FGD1: variants seen among roughly 807,000 people sequenced by gnomAD.
FGD1 encodes the protein FYVE, RhoGEF and PH domain containing 1, also known as FYVE, RhoGEF and PH domain-containing protein 1.
In FGD1, 12 loss-of-function variants were observed where a neutral mutation model predicts 65.0. That is an observed-to-expected ratio of 0.18 (90% confidence interval 0.12 to 0.30). The LOEUF is 0.30. Ranked by LOEUF, FGD1 falls within the 10% of genes least tolerant of loss-of-function variation. The probability of loss-of-function intolerance (pLI) is 1.00; values close to 1 mark genes in which losing one functional copy is unlikely to be tolerated. For synonymous variants in FGD1, 333 were observed against 343.9 expected (o/e 0.97, Z 0.35); for missense variants, 542 against 837.6 (o/e 0.65, Z 4.36).
chrX:54,455,336 G>A, intron 12 of FGD1, 112 bp downstream of exon 12: 1 of 608,028 alleles, frequency 1.6e-6, no homozygotes, highest in Non-Finnish European at 2.8e-6. Flanking sequence ...TGCATCTTTG[G>A]GGAAAGGTGC....
rs750086563 is a variant in FGD1 at position 54,493,983 on chromosome X, C to T, written c.307+1143G>A. Among the ~76,000 whole-genome samples, 7 of 112,733 alleles carry T rather than the reference C, an allele frequency of 6.2e-5. No homozygotes were observed. The South Asian group carries it at 1.1e-3, about 17-fold the overall frequency. ...CCCAGTGGAAGGCAGGGCAGATGTG[C>T]GCTGCTCTTCTTCTGTGGCTCCTGG... On this transcript the variant is annotated intron_variant, in intron 1 of 17. Coordinates refer to ENST00000375135, the MANE Select transcript of FGD1 (RefSeq NM_004463.3).
Position 54,470,433 on chromosome X carries a change from A to T in FGD1, c.684T>A (p.Asp228Glu), listed in dbSNP as rs1218887711. Reference protein sequence around the residue: ...FEREPVIVASDRPVPGPSPGP... With the variant: ...FEREPVIVASERPVPGPSPGP... ...CTGGGCTGGGGCCAGGGACTGGTCTATCCGAGGCGACAATCACAGGCTCTC... is the reference window on the plus strand; with the variant it reads ...CTGGGCTGGGGCCAGGGACTGGTCTTTCCGAGGCGACAATCACAGGCTCTC... The change falls in exon 4 of 18, where the codon GAT becomes GAA. Residue 228 changes from aspartate to glutamate, a missense_variant. By Grantham distance (45) the Asp-to-Glu change is conservative. Around this residue, in one of 6 missense-constraint regions of FGD1, gnomAD observed 297 missense variants for 326.8 expected, o/e 0.91. Transcript: ENST00000375135. The T allele has an allele frequency of 1.7e-6, 2 of 1,204,534 alleles. No individual in the cohort carries two copies. The highest frequency in any genetic ancestry group is 2.2e-6 in the Non-Finnish European group (2 of 894,515).
chrX:54,449,565 T>A, intron 14 of FGD1, 94 bp downstream of exon 14: 2 of 624,142 alleles, frequency 3.2e-6, no homozygotes, highest in Non-Finnish European at 5.3e-6. Flanking sequence ...GTCATTACCG[T>A]CTAGGAAAGG....
chrX:54,470,691 G>T lies in FGD1; in HGVS notation c.551C>A (p.Pro184Gln). The T allele has an allele frequency of 9.6e-7, 1 of 1,040,461 alleles. No homozygotes were observed. Among genetic ancestry groups the T allele is most frequent in the Non-Finnish European group, 1.3e-6 (1 of 751,676 alleles). 85.7% of individuals were successfully genotyped at this position (1,040,461 alleles called of 1,213,427 possible). The change falls in exon 3 of 18, where the codon CCA (proline) becomes CAA (glutamine). Residue 184 changes from proline to glutamine, a missense_variant. Pro to Gln is a moderately conservative substitution (Grantham distance 76). Coordinates refer to ENST00000375135, the MANE Select transcript of FGD1 (RefSeq NM_004463.3). ...GGGGTCGGCAGGCAGTGGGCGTGAT[G>T]GTGGAGGGGGGATGGGCTCCAGTGG... The part of the protein sequence containing the change: ...PPPLEPIPPP[P>Q]SRPLPADPRV...
chrX:54,472,884 C>A (rs1414599724), intron 1 of FGD1, among the ~76,000 whole-genome samples: 2 of 111,448 alleles, frequency 1.8e-5, no homozygotes, highest in African/African-American at 6.5e-5. Flanking sequence ...TTATGCTGTG[C>A]CACAACCACA....
In FGD1 at chrX:54,470,441, C is replaced by T. The variant is rs138723423; in HGVS notation, c.676G>A (p.Ala226Thr). Residue 226 changes from alanine (A) to threonine (T), a missense_variant, in exon 4 of 18, where the codon GCC (alanine) becomes ACC (threonine). Ala to Thr is a moderately conservative substitution (Grantham distance 58, BLOSUM62 0). Coordinates refer to ENST00000375135, the MANE Select transcript of FGD1 (RefSeq NM_004463.3). ...EKFEREPVIV[A>T]SDRPVPGPSP... Reference sequence around the variant, plus strand: ...GGGCCAGGGACTGGTCTATCCGAGGCGACAATCACAGGCTCTCTGAGGTGG... The same window carrying T: ...GGGCCAGGGACTGGTCTATCCGAGGTGACAATCACAGGCTCTCTGAGGTGG... 3,862 of 1,203,728 alleles carry T rather than the reference C, an allele frequency of 3.2e-3. 8 individuals are homozygous for T. Among genetic ancestry groups the T allele is most frequent in the Non-Finnish European group, 3.7e-3 (3,328 of 894,217 alleles).
At chrX:54,454,973 A>G (rs1466055949) in intron 12 of FGD1, among the ~76,000 whole-genome samples, 1 of 112,453 alleles carries the variant, frequency 8.9e-6, no homozygotes, top group Non-Finnish European at 1.9e-5. Flanking sequence ...TGTTCACTTT[A>G]CATCCACATT....
chrX:54,481,967 G>C (rs1232487939), intron 1 of FGD1, among the ~76,000 whole-genome samples: 1 of 110,084 alleles, frequency 9.1e-6, no homozygotes, highest in Non-Finnish European at 1.9e-5. Context: ...GCAGGCACGG[G>C]AACAGACACA....
At chrX:54,480,702 A>ATT (rs1923124574) in intron 1 of FGD1, among the ~76,000 whole-genome samples, 4 of 107,364 alleles carry the variant, frequency 3.7e-5, no homozygotes, top group African/African-American at 1.4e-4. Context: ...CCCAGGCTGG[A>ATT]GTGCAGTGGC....
chrX:54,467,883 G>A lies in FGD1; in HGVS notation c.1241C>T (p.Pro414Leu), dbSNP rs1557189455. Residue 414 changes from proline to leucine, a missense_variant, in exon 6 of 18, where the codon CCG (proline) becomes CTG (leucine). Around this residue, in one of 6 missense-constraint regions of FGD1, gnomAD observed 22 missense variants for 46.4 expected, o/e 0.47. Transcript: ENST00000375135. The part of the protein sequence containing the change: ...LEEARNRSSF[P>L]ADVVHGIFSN... The stretch of plus-strand genomic sequence containing the variant: ...GAAGATGCCGTGGACAACGTCGGCC[G>A]GGAAGGAACTGCGGTTCCGAGCTTC... 8.5e-7 allele frequency: 1 copy of A among 1,175,867 alleles called. No individual in the cohort carries two copies. The highest frequency in any genetic ancestry group is 1.9e-5 in the South Asian group (1 of 53,131).
At chrX:54,449,515 C>T in intron 14 of FGD1, 144 bp downstream of exon 14, 1 of 523,636 alleles carries the variant, frequency 1.9e-6, no homozygotes, top group Non-Finnish European at 3.3e-6. Context: ...GTGGCCCTAC[C>T]AATGGAAGAC....
At chrX:54,450,188 T>G in intron 13 of FGD1, 83 bp downstream of exon 13, 19 of 962,764 alleles carry the variant, frequency 2.0e-5, no homozygotes, top group East Asian at 3.1e-5. Flanking sequence ...TGGTTAGCTG[T>G]GAGTTTTGAG....
chrX:54,491,948 C>G (rs1388392920), intron 1 of FGD1, among the ~76,000 whole-genome samples: 1 of 109,518 alleles, frequency 9.1e-6, no homozygotes, highest in African/African-American at 3.3e-5. Context: ...CAAAACGGCT[C>G]TAACATCAGG....
chrX:54,468,914 T>G, intron 4 of FGD1, 38 bp from the exon 5 acceptor site: 1 of 1,029,895 alleles, frequency 9.7e-7, no homozygotes, highest in South Asian at 1.9e-5. Flanking sequence ...TCCATCATCC[T>G]CTATCGTAAC....
chrX:54,454,658 A>G (rs1201134922), intron 12 of FGD1, among the ~76,000 whole-genome samples: 1 of 108,949 alleles, frequency 9.2e-6, no homozygotes, highest in Non-Finnish European at 1.9e-5. Context: ...AAAAAAAAAA[A>G]AAAAAAGAAA....
chrX:54,488,070 C>T (rs749100101), intron 1 of FGD1, among the ~76,000 whole-genome samples: 24 of 105,874 alleles, frequency 2.3e-4, no homozygotes, highest in Non-Finnish European at 4.6e-4. Context: ...TCAAGACCAG[C>T]CTGGCCAACG....
chrX:54,452,808 C>G (rs572747205), intron 12 of FGD1, among the ~76,000 whole-genome samples: 127 of 110,405 alleles, frequency 1.2e-3, no homozygotes, highest in Non-Finnish European at 1.5e-3. Flanking sequence ...TTAGAGCTCT[C>G]CATGTTCAGG....
In FGD1 at chrX:54,446,229, C is replaced by T; in HGVS notation, c.2766G>A (p.Gly922=). ...GTGTGGGCCCCGGGCAGAACGTGTC[C>T]CCTCGGCCCGCCCGGCCAAGCACAG... ...WMAVLGRAGR[G]DTFCPGPTLS... The change falls in exon 18 of 18, where the codon GGG becomes GGA. Residue 922 remains glycine, a synonymous_variant. Coordinates refer to ENST00000375135, the MANE Select transcript of FGD1 (RefSeq NM_004463.3). The T allele has an allele frequency of 8.3e-7, 1 of 1,211,836 alleles. No individual in the cohort carries two copies.
Position 54,471,406 on chromosome X carries a change from G to A in FGD1, c.389C>T (p.Pro130Leu), listed in dbSNP as rs199677604. The change falls in exon 2 of 18, where the codon CCC (proline) becomes CTC (leucine). Residue 130 changes from proline to leucine, a missense_variant. By Grantham distance (98) the Pro-to-Leu change is moderately conservative. This residue lies in a region of FGD1 where 297 missense variants were observed against 326.8 expected (regional missense o/e 0.91). Transcript: ENST00000375135. ...ACCTGGGTCTGAGCGAAGCCGCTGG[G>A]GACCTTCTGGATGAGGCTCTAGGCT... ...GQSLEPHPEGPQRLRSDPGPP... is the reference protein window; with the variant it reads ...GQSLEPHPEGLQRLRSDPGPP... 1.7e-6 allele frequency: 2 copies of A among 1,209,842 alleles called. No individual in the cohort carries two copies. The highest frequency in any genetic ancestry group is 3.0e-5 in the East Asian group (1 of 33,760).
Sources: gnomAD v4.1 joint callset for allele counts (sites outside exome capture counted in the v4.1 genomes callset) on GRCh38, gnomAD v4.1.1 for gene constraint, gnomAD v4.1.1 regional missense constraint, MANE v1.5 for transcripts, NCBI Gene and HGNC (gene_info 2026-07-23, HGNC 2026-07-21) for gene names.